ATP6V0D1: variants seen among roughly 807,000 people sequenced by gnomAD.
The protein encoded by ATP6V0D1 is ATPase H+ transporting V0 subunit d1.
ATP6V0D1 carries 13 observed loss-of-function variants against 39.0 expected under a neutral mutation model. The ratio of observed to expected loss-of-function variants is 0.33; its 90% CI spans 0.22 to 0.53. ATP6V0D1 has a LOEUF of 0.53. Ranked by LOEUF, ATP6V0D1 falls within the 20% of genes least tolerant of loss-of-function variation. The pLI, the probability that ATP6V0D1 is intolerant of heterozygous loss-of-function variation, is 0.94. For missense variants in ATP6V0D1, 272 were observed against 470.9 expected, an observed-to-expected ratio of 0.58 and a Z score of 3.91; for synonymous variants, 191 against 191.2, an observed-to-expected ratio of 1.00 and a Z score of 0.01.
rs539319455 is a variant in ATP6V0D1 at position 67,446,847 on chromosome 16, A to G, written c.303-2141T>C. On this transcript the variant is annotated intron_variant, in intron 2 of 7. Transcript: ENST00000290949. ...GGGAGAAAAAGCACACCCAAGGCCCACCTTATCCAAGTGATCCCACAACCA... is the reference window on the plus strand; with the variant it reads ...GGGAGAAAAAGCACACCCAAGGCCCGCCTTATCCAAGTGATCCCACAACCA... Among the ~76,000 whole-genome samples, 15 of 152,114 alleles carry G rather than the reference A, an allele frequency of 9.9e-5. No homozygotes were observed. In the South Asian group the frequency reaches 2.9e-3, roughly 30 times the overall value.
Position 67,446,730 on chromosome 16 carries a change from T to C in ATP6V0D1, c.303-2024A>G, listed in dbSNP as rs372929512. Among the ~76,000 whole-genome samples the C allele has an allele frequency of 4.5e-4, 69 of 152,304 alleles. 1 individual carries two copies. The highest frequency in any genetic ancestry group is 1.6e-3 in the African/African-American group (65 of 41,568). On this transcript the variant is annotated intron_variant, in intron 2 of 7. Transcript: ENST00000290949. Reference sequence around the variant, plus strand: ...AACTGCACCCCATCCAGCCCCAATGTAGCCTTGGTGCTCCCTGAGACAGTC... The same window carrying C: ...AACTGCACCCCATCCAGCCCCAATGCAGCCTTGGTGCTCCCTGAGACAGTC...
intron 4 of ATP6V0D1, among the ~76,000 whole-genome samples, chr16:67,442,500 C>T (rs950487211): frequency 4.6e-5 from 7 of 151,750 alleles, no homozygotes; most frequent in Non-Finnish European, 1.0e-4. Context: ...CTCTCCGGTC[C>T]CCTGGCTCTT....
chr16:67,442,177 C>A (rs903434751), intron 4 of ATP6V0D1, among the ~76,000 whole-genome samples: 1 of 152,392 alleles, frequency 6.6e-6, no homozygotes, highest in East Asian at 1.9e-4. Context: ...CTGGCCCAGG[C>A]CCCTGCAGGG....
chr16:67,460,809 G>A (rs1795929996), intron 1 of ATP6V0D1, among the ~76,000 whole-genome samples: 1 of 152,088 alleles, frequency 6.6e-6, no homozygotes, highest in Admixed American at 6.5e-5. Flanking sequence ...AGCCCCCTCT[G>A]CAGATCCATT....
At chr16:67,452,282 C>T (rs768614561) in intron 2 of ATP6V0D1, 56 of 1,535,568 alleles carry the variant, frequency 3.6e-5, no homozygotes, top group Non-Finnish European at 8.7e-6. Context: ...GGAAAGGAGG[C>T]CTGTGGCCAG....
chr16:67,447,110 C>A lies in ATP6V0D1; in HGVS notation c.303-2404G>T, dbSNP rs115758180. 5.9e-5 allele frequency among the ~76,000 whole-genome samples: 9 copies of A among 152,202 alleles called. No homozygotes were observed. The highest frequency in any genetic ancestry group is 1.7e-4 in the African/African-American group (7 of 41,442). ...CGTCCCCCTCCTTGCGCCCCCCACTCAGGGCATCTGTTTATGTGGGGGAAA... is the reference window on the plus strand; with the variant it reads ...CGTCCCCCTCCTTGCGCCCCCCACTAAGGGCATCTGTTTATGTGGGGGAAA... On this transcript the variant is annotated intron_variant, in intron 2 of 7. Transcript: ENST00000290949. The surrounding 1 kb of genome is among the most constrained non-coding windows in gnomAD (Gnocchi z 4.1).
intron 2 of ATP6V0D1, among the ~76,000 whole-genome samples, chr16:67,452,811 C>T (rs916351306): frequency 1.3e-5 from 2 of 152,220 alleles, no homozygotes; most frequent in Admixed American, 6.5e-5. Flanking sequence ...GTGCCCTCCC[C>T]GAGCCTGCAG....
intron 1 of ATP6V0D1, among the ~76,000 whole-genome samples, chr16:67,477,961 G>A (rs933157716): frequency 5.3e-5 from 8 of 152,136 alleles, no homozygotes; most frequent in Non-Finnish European, 1.2e-4. Context: ...GAGCCACTGC[G>A]CCCTGTCAAT....
In ATP6V0D1 at chr16:67,447,478, C is replaced by T. The variant is rs1165720774; in HGVS notation, c.303-2772G>A. On this transcript the variant is annotated intron_variant, in intron 2 of 7. Transcript: ENST00000290949. This position sits in a 1 kb window ranked among gnomAD's most constrained non-coding sequence, Gnocchi z 4.1. ...CAGCTGCCTCCCTGCCCCCAGAAAGCCACTCCACCATTCCTCCCCTCATTT... is the reference window on the plus strand; with the variant it reads ...CAGCTGCCTCCCTGCCCCCAGAAAGTCACTCCACCATTCCTCCCCTCATTT... Among the ~76,000 whole-genome samples, 14 of 152,232 alleles carry T rather than the reference C, an allele frequency of 9.2e-5. No homozygotes were observed. The highest frequency in any genetic ancestry group is 9.2e-4 in the Admixed American group (14 of 15,288).
At chr16:67,439,740 G>A in intron 4 of ATP6V0D1, 2 of 267,924 alleles carry the variant, frequency 7.5e-6, no homozygotes, top group South Asian at 1.0e-4. Flanking sequence ...AACCAGGTGT[G>A]GCTGGACGCA....
At chr16:67,468,529 G>A (rs1271126457) in intron 1 of ATP6V0D1, among the ~76,000 whole-genome samples, 2 of 150,934 alleles carry the variant, frequency 1.3e-5, no homozygotes, top group Non-Finnish European at 3.0e-5. Context: ...TCAAGGCTGC[G>A]GTGAGTTGTG....
intron 2 of ATP6V0D1, among the ~76,000 whole-genome samples, chr16:67,445,384 G>A (rs1403052332): frequency 6.6e-6 from 1 of 152,198 alleles, no homozygotes; most frequent in Non-Finnish European, 1.5e-5. Flanking sequence ...AGAAGAGGAA[G>A]AGGCAGAGAT....
At position 67,468,563 on chromosome 16, in the gene ATP6V0D1, G is replaced by A. The variant is rs138124362; in HGVS notation, c.130+12394C>T. Among the ~76,000 whole-genome samples, 43 of 150,228 alleles carry A rather than the reference G, an allele frequency of 2.9e-4. 1 individual carries two copies. The East Asian group carries it at 8.2e-3, about 29-fold the overall frequency. ...TGTTTGGGTCACTGTACTCCAGCCT[G>A]GGCAACAGAGCAAGACCCAGTCTCA... is the stretch of plus-strand genomic sequence containing the variant. On this transcript the variant is annotated intron_variant, in intron 1 of 7. Transcript: ENST00000290949.
chr16:67,445,782 G>A (rs1238711777), intron 2 of ATP6V0D1: 4 of 381,434 alleles, frequency 1.0e-5, no homozygotes, highest in Non-Finnish European at 2.2e-5. Flanking sequence ...AGCTACAAAG[G>A]GGCTGGGGCA....
At chr16:67,442,985 G>C (rs1336154220) in intron 4 of ATP6V0D1, 114 bp downstream of exon 4, 3 of 1,134,644 alleles carry the variant, frequency 2.6e-6, no homozygotes, top group Non-Finnish European at 2.6e-6. Context: ...CCTGGGATAG[G>C]AGCCTGACAT....
chr16:67,468,258 A>G (rs997371250), intron 1 of ATP6V0D1, among the ~76,000 whole-genome samples: 2 of 151,890 alleles, frequency 1.3e-5, no homozygotes, highest in East Asian at 3.9e-4. Flanking sequence ...TGCCACTGCA[A>G]TCCAACCTGG....
chr16:67,454,388 G>A (rs992500660), intron 1 of ATP6V0D1, among the ~76,000 whole-genome samples: 1 of 152,172 alleles, frequency 6.6e-6, no homozygotes. Flanking sequence ...GCCGGAGACA[G>A]GCAGACCAAT....
Position 67,438,380 on chromosome 16 carries a change from TG to T in ATP6V0D1, c.*147del. 1 of 950,690 alleles carries T rather than the reference TG, an allele frequency of 1.1e-6. No individual in the cohort carries two copies. Among genetic ancestry groups the T allele is most frequent in the Non-Finnish European group, 1.6e-6 (1 of 644,076 alleles). The allele number at this position is 950,690 out of a possible 1,614,324, so 58.9% of individuals were successfully genotyped here. On this transcript the variant is annotated 3_prime_UTR_variant, in exon 8 of 8. Transcript: ENST00000290949. Reference sequence around the variant, plus strand: ...CAGTCTCTAAGAGGGTCAGGAGAACTGGGCAGCCGCTAGGACAGCGTACTAC... The same window carrying T: ...CAGTCTCTAAGAGGGTCAGGAGAACTGGCAGCCGCTAGGACAGCGTACTAC...
chr16:67,455,064 A>G (rs2041224178), intron 1 of ATP6V0D1: 1 of 152,288 alleles, frequency 6.6e-6, no homozygotes, highest in African/African-American at 2.4e-5. Context: ...AGTACCAAGG[A>G]CAGTGGCTGA....
Sources: gnomAD v4.1 joint callset for allele counts (sites outside exome capture counted in the v4.1 genomes callset) on GRCh38, gnomAD v4.1.1 for gene constraint, Gnocchi (gnomAD v3.1) non-coding constraint, MANE v1.5 for transcripts, NCBI Gene and HGNC (gene_info 2026-07-23, HGNC 2026-07-21) for gene names.